SIL1: variants seen among roughly 807,000 people sequenced by gnomAD.
SIL1 encodes nucleotide exchange factor SIL1.
A neutral mutation model predicts 49.1 loss-of-function variants in SIL1; 40 were observed. The observed-to-expected ratio is 0.81, with a 90% confidence interval of 0.63 to 1.06. SIL1 has a LOEUF of 1.06. Ranked by LOEUF, SIL1 falls within the 50% of genes least tolerant of loss-of-function variation. The pLI is 0.00. For missense variants in SIL1, 500 were observed against 572.6 expected (o/e 0.87, Z 1.29); for synonymous variants, 253 against 250.8 (o/e 1.01, Z -0.08).
At chr5:139,010,767 G>A (rs1249076816) in intron 7 of SIL1, among the ~76,000 whole-genome samples, 8 of 151,986 alleles carry the variant, frequency 5.3e-5, no homozygotes, top group African/African-American at 1.9e-4. Context: ...CTCCCAGTTA[G>A]GCTGCTCGGG....
At chr5:139,119,144 A>G (rs1427368706) in intron 3 of SIL1, among the ~76,000 whole-genome samples, 4 of 152,230 alleles carry the variant, frequency 2.6e-5, no homozygotes, top group Admixed American at 2.6e-4. Flanking sequence ...TGAAACATCA[A>G]GTTAACTGTA....
chr5:138,994,260 A>G (rs1276064290), intron 7 of SIL1, among the ~76,000 whole-genome samples: 1 of 152,238 alleles, frequency 6.6e-6, no homozygotes. Context: ...CCAAGAAAAA[A>G]TGTAAACTAT....
At chr5:139,040,746 G>A (rs964953566) in intron 5 of SIL1, among the ~76,000 whole-genome samples, 32 of 151,740 alleles carry the variant, frequency 2.1e-4, no homozygotes, top group Non-Finnish European at 3.5e-4. Flanking sequence ...TGATCCACCC[G>A]CCTTGTCCTC....
At chr5:138,952,615 G>C (rs1162873350) in intron 7 of SIL1, among the ~76,000 whole-genome samples, 1 of 152,218 alleles carries the variant, frequency 6.6e-6, no homozygotes, top group Non-Finnish European at 1.5e-5. Context: ...CTGAACGAAC[G>C]AACGAATGAA....
At chr5:139,162,075 TCC>T (rs1364298571) in intron 1 of SIL1, among the ~76,000 whole-genome samples, 1 of 150,950 alleles carries the variant, frequency 6.6e-6, no homozygotes, top group Non-Finnish European at 1.5e-5. Flanking sequence ...CACTGAGCAG[TCC>T]CCCTACAGTC....
intron 7 of SIL1, among the ~76,000 whole-genome samples, chr5:138,958,349 G>A (rs1264133799): frequency 1.3e-5 from 2 of 152,200 alleles, no homozygotes; most frequent in African/African-American, 2.4e-5. Flanking sequence ...GGCAAGTGAT[G>A]TCCATAAGTC....
At chr5:138,999,610 C>T (rs555613258) in intron 7 of SIL1, among the ~76,000 whole-genome samples, 70 of 152,220 alleles carry the variant, frequency 4.6e-4, no homozygotes, top group African/African-American at 1.5e-3. Context: ...GCTATGACTG[C>T]GCCATTATAC....
At chr5:139,166,031 C>T (rs987023379) in intron 1 of SIL1, among the ~76,000 whole-genome samples, 2 of 152,070 alleles carry the variant, frequency 1.3e-5, no homozygotes, top group Non-Finnish European at 1.5e-5. Flanking sequence ...AGCTGTACCC[C>T]GAACACCTTG....
At chr5:139,105,571 T>C (rs1770683060) in intron 3 of SIL1, among the ~76,000 whole-genome samples, 1 of 151,680 alleles carries the variant, frequency 6.6e-6, no homozygotes, top group Admixed American at 6.6e-5. Context: ...AAGAACAGAG[T>C]AGAAAGGAGT....
At chr5:138,998,314 C>T (rs931534796) in intron 7 of SIL1, among the ~76,000 whole-genome samples, 6 of 152,026 alleles carry the variant, frequency 3.9e-5, no homozygotes, top group Admixed American at 6.6e-5. Context: ...ACCACAGGCG[C>T]GCACCACCAC....
chr5:139,034,393 C>T (rs1169968967), intron 5 of SIL1: 1 of 151,704 alleles, frequency 6.6e-6, no homozygotes, highest in African/African-American at 2.4e-5. Context: ...TTTGTTTCCT[C>T]CAGTTTTTGT....
Position 138,971,939 on chromosome 5 carries a change from C to G in SIL1, c.768-20055G>C, listed in dbSNP as rs78583001. On this transcript the variant is annotated intron_variant, in intron 7 of 9. Coordinates refer to ENST00000394817, the MANE Select transcript of SIL1 (RefSeq NM_022464.5). ...CTCCAACCAACAGGCTCAGTCATCT[C>G]TCTGGCTAAATATCAAAGCAGCTTC... Among the ~76,000 whole-genome samples the G allele has an allele frequency of 3.7e-3, 569 of 152,340 alleles. 1 individual carries two copies. The highest frequency in any genetic ancestry group is 0.013 in the African/African-American group (535 of 41,562).
At chr5:139,188,132 T>A (rs577269993) in intron 1 of SIL1, 1 of 152,338 alleles carries the variant, frequency 6.6e-6, no homozygotes, top group South Asian at 2.1e-4. Flanking sequence ...TATAACTGTA[T>A]GAGAACAGAC....
At chr5:139,160,272 G>T (rs555008347) in intron 1 of SIL1, among the ~76,000 whole-genome samples, 2 of 151,784 alleles carry the variant, frequency 1.3e-5, no homozygotes, top group African/African-American at 2.4e-5. Context: ...GAAAACTTCC[G>T]AAAGAAAACA....
chr5:138,951,299 G>C lies in SIL1; in HGVS notation c.901C>G (p.Pro301Ala). Reference protein sequence around the residue: ...FALCSLLRHFPYAQRQFLKLG... With the variant: ...FALCSLLRHFAYAQRQFLKLG... ...TTCAGGAACTGCCGCTGGGCATAGGGGAAGTGGCGCAGCAGGGAGCACAGT... is the reference window on the plus strand; with the variant it reads ...TTCAGGAACTGCCGCTGGGCATAGGCGAAGTGGCGCAGCAGGGAGCACAGT... Residue 301 changes from proline (P) to alanine (A), a missense_variant, in exon 9 of 10, where the codon CCC becomes GCC. Coordinates refer to ENST00000394817, the MANE Select transcript of SIL1 (RefSeq NM_022464.5). 3 of 1,564,614 alleles carry C rather than the reference G, an allele frequency of 1.9e-6. No homozygotes were observed. The highest frequency in any genetic ancestry group is 1.7e-6 in the Non-Finnish European group (2 of 1,154,014).
At chr5:139,075,976 G>A (rs556865366) in intron 3 of SIL1, among the ~76,000 whole-genome samples, 1 of 152,288 alleles carries the variant, frequency 6.6e-6, no homozygotes, top group East Asian at 1.9e-4. Context: ...GCCCATCCAT[G>A]CTCTTGGTAT....
At chr5:138,954,604 C>G (rs1233185361) in intron 7 of SIL1, among the ~76,000 whole-genome samples, 1 of 152,256 alleles carries the variant, frequency 6.6e-6, no homozygotes, top group African/African-American at 2.4e-5. Flanking sequence ...TCCATCCAGG[C>G]AGGGCCAGTA....
At chr5:139,034,364 C>T (rs1241838227) in intron 5 of SIL1, 2 of 151,934 alleles carry the variant, frequency 1.3e-5, no homozygotes, top group South Asian at 2.1e-4. Flanking sequence ...AGCTTAAATA[C>T]ACCATTTTAT....
At chr5:139,026,633 G>A (rs1768656457) in intron 6 of SIL1, among the ~76,000 whole-genome samples, 168 bp downstream of exon 6, 1 of 152,096 alleles carries the variant, frequency 6.6e-6, no homozygotes, top group East Asian at 1.9e-4. Flanking sequence ...GTTGGCTCTG[G>A]CCTCTAAGAC....
Sources: gnomAD v4.1 joint callset for allele counts (sites outside exome capture counted in the v4.1 genomes callset) on GRCh38, gnomAD v4.1.1 for gene constraint, MANE v1.5 for transcripts, NCBI Gene and HGNC (gene_info 2026-07-23, HGNC 2026-07-21) for gene names.